Variants in IDE observed in about 807,000 individuals in gnomAD.
IDE encodes the protein insulin degrading enzyme.
A neutral mutation model predicts 133.2 loss-of-function variants in IDE; 58 were observed. That is an observed-to-expected ratio of 0.44 (90% CI 0.35 to 0.54). The LOEUF (loss-of-function observed/expected upper bound fraction) is 0.54. Among genes scored for constraint, IDE ranks in the 20% least tolerant of loss-of-function variants. The pLI is 0.00. For synonymous variants in IDE, 396 were observed against 421.3 expected, an observed-to-expected ratio of 0.94 and a Z score of 0.73; for missense variants, 981 against 1,234.0, an observed-to-expected ratio of 0.79 and a Z score of 3.07.
At chr10:92,491,108 C>A (rs75104428) in intron 11 of IDE, among the ~76,000 whole-genome samples, 20,761 of 151,580 alleles carry the variant, frequency 0.14, 1,849 homozygotes, top group African/African-American at 0.24. Flanking sequence ...TGGGGTGGCA[C>A]GCAGCTATAG....
At chr10:92,550,937 C>G (rs1327970933) in intron 1 of IDE, among the ~76,000 whole-genome samples, 1 of 152,056 alleles carries the variant, frequency 6.6e-6, no homozygotes, top group Admixed American at 6.6e-5. Flanking sequence ...AAAACTGGAA[C>G]CTGTGCACAC....
chr10:92,482,813 CT>C (rs951457439), intron 14 of IDE, among the ~76,000 whole-genome samples: 8 of 147,108 alleles, frequency 5.4e-5, no homozygotes, highest in African/African-American at 5.0e-5. Flanking sequence ...TTTTTCTTTT[CT>C]TTTTTTTTTG....
At chr10:92,476,237 G>A (rs867515250) in intron 15 of IDE, among the ~76,000 whole-genome samples, 1 of 150,818 alleles carries the variant, frequency 6.6e-6, no homozygotes, top group African/African-American at 2.4e-5. Context: ...GCAACGGCAC[G>A]ATTTCAGTTC....
Position 92,452,932 on chromosome 10 carries a change from C to G in IDE, c.*1512G>C, listed in dbSNP as rs986578911. The G allele has an allele frequency of 1.3e-5, 2 of 152,226 alleles. No homozygotes were observed. Among genetic ancestry groups the G allele is most frequent in the Non-Finnish European group, 2.9e-5 (2 of 68,050 alleles). The allele number at this position is 152,226 out of a possible 1,614,324, so 9.4% of individuals were successfully genotyped here. On this transcript the variant is annotated 3_prime_UTR_variant, in exon 25 of 25. Transcript: ENST00000265986. The stretch of plus-strand genomic sequence containing the variant: ...TGGTTACAGCACCACATTGATCTGA[C>G]AGTAGAAATGGAGCCCCGCTTTTGA...
chr10:92,524,516 T>A (rs11187054), intron 4 of IDE, among the ~76,000 whole-genome samples: 2,120 of 46,818 alleles, frequency 0.045, 96 homozygotes, highest in East Asian at 0.068. Context: ...TAATATATAA[T>A]ATATATTATA....
Position 92,542,571 on chromosome 10 carries a change from T to G in IDE, c.99-5021A>C, listed in dbSNP as rs1241468112. ...TCCCAAAGTGCTGGGATTACAGGCATGAGACACTACACCCAGCCCAGGTCA... is the reference window on the plus strand; with the variant it reads ...TCCCAAAGTGCTGGGATTACAGGCAGGAGACACTACACCCAGCCCAGGTCA... On this transcript the variant is annotated intron_variant, in intron 1 of 24. Coordinates refer to ENST00000265986, the MANE Select transcript of IDE (RefSeq NM_004969.4). Among the ~76,000 whole-genome samples the G allele has an allele frequency of 2.0e-5, 3 of 152,202 alleles. No individual in the cohort carries two copies. The South Asian group carries it at 6.2e-4, about 31-fold the overall frequency.
At chr10:92,481,651 T>C (rs1404932683) in intron 14 of IDE, among the ~76,000 whole-genome samples, 5 of 152,162 alleles carry the variant, frequency 3.3e-5, no homozygotes, top group African/African-American at 1.2e-4. Flanking sequence ...CATAATATAA[T>C]CTTATTTCTG....
intron 1 of IDE, among the ~76,000 whole-genome samples, chr10:92,544,584 G>A (rs1171161398): frequency 1.3e-5 from 2 of 152,188 alleles, no homozygotes; most frequent in Non-Finnish European, 2.9e-5. Context: ...TCATACACTG[G>A]TTTATTCTCC....
intron 1 of IDE, 67 bp downstream of exon 1, chr10:92,573,855 T>G (rs1308872985): frequency 1.8e-6 from 2 of 1,139,696 alleles, no homozygotes; most frequent in Admixed American, 3.9e-5. Context: ...ATCACCACTT[T>G]GCAACCCGAG....
chr10:92,573,631 G>T (rs1843900914), intron 1 of IDE, among the ~76,000 whole-genome samples: 1 of 152,126 alleles, frequency 6.6e-6, no homozygotes, highest in Non-Finnish European at 1.5e-5. Flanking sequence ...CCGCCCCTGC[G>T]CCCCCCGCAC....
intron 1 of IDE, among the ~76,000 whole-genome samples, chr10:92,571,590 C>T (rs1843789640): frequency 6.6e-6 from 1 of 152,148 alleles, no homozygotes; most frequent in Admixed American, 6.5e-5. Flanking sequence ...CCCAGTAGTT[C>T]AGATAATTCC....
chr10:92,453,442 G>A lies in IDE; in HGVS notation c.*1002C>T, dbSNP rs963769368. 3 of 152,116 alleles carry A rather than the reference G, an allele frequency of 2.0e-5. No homozygotes were observed. Among genetic ancestry groups the A allele is most frequent in the African/African-American group, 7.2e-5 (3 of 41,422 alleles). 9.4% of individuals were successfully genotyped at this position (152,116 alleles called of 1,614,324 possible). A position where few individuals can be genotyped will look rare whatever the true frequency, so the allele number is the denominator to read the frequency against. On this transcript the variant is annotated 3_prime_UTR_variant, in exon 25 of 25. Transcript: ENST00000265986. Reference sequence around the variant, plus strand: ...GAAGACCTGCTATATAAGAATGCAAGGCTTTACTTTTTATATTTCCAAAAA... The same window carrying A: ...GAAGACCTGCTATATAAGAATGCAAAGCTTTACTTTTTATATTTCCAAAAA...
intron 1 of IDE, among the ~76,000 whole-genome samples, chr10:92,551,566 CAAAAAA>C (rs1232265058): frequency 4.5e-5 from 3 of 66,628 alleles, no homozygotes; most frequent in African/African-American, 1.5e-4. Context: ...GACTCCATCT[CAAAAAA>C]AAAAAAAAAA....
At chr10:92,521,176 T>C (rs1322442600) in intron 4 of IDE, among the ~76,000 whole-genome samples, 2 of 152,108 alleles carry the variant, frequency 1.3e-5, no homozygotes, top group Non-Finnish European at 2.9e-5. Flanking sequence ...AGAATTAGCA[T>C]TAGAAAAACC....
At chr10:92,475,300 A>G (rs976364973) in intron 16 of IDE, among the ~76,000 whole-genome samples, 1 of 152,238 alleles carries the variant, frequency 6.6e-6, no homozygotes, top group African/African-American at 2.4e-5. Flanking sequence ...AGCCATCCCC[A>G]AAGTCTCCAT....
At chr10:92,550,650 CAAAAAAAA>C (rs71028826) in intron 1 of IDE, among the ~76,000 whole-genome samples, 4 of 57,420 alleles carry the variant, frequency 7.0e-5, no homozygotes, top group East Asian at 4.4e-4. Flanking sequence ...GACTCCGTCT[CAAAAAAAA>C]AAAAAAAAAA....
At chr10:92,556,113 C>CA (rs1842991047) in intron 1 of IDE, among the ~76,000 whole-genome samples, 1 of 129,880 alleles carries the variant, frequency 7.7e-6, no homozygotes, top group African/African-American at 3.0e-5. Flanking sequence ...GCAGAGCTTG[C>CA]AGTGAGCCGA....
chr10:92,507,194 C>G (rs943385273), intron 9 of IDE, among the ~76,000 whole-genome samples: 1 of 152,010 alleles, frequency 6.6e-6, no homozygotes, highest in Admixed American at 6.6e-5. Flanking sequence ...TTCATTACTT[C>G]TTTGAGAGTT....
Position 92,458,490 on chromosome 10 carries a change from G to GTTTTTTTTT in IDE, c.2824-2068_2824-2060dup, listed in dbSNP as rs71028821. ...AGGCCTGGTTATAAATACTCTCTCTGTTTTTTTTTTTTTTTTTTTTTTTTT... is the reference window on the plus strand; with the variant it reads ...AGGCCTGGTTATAAATACTCTCTCTGTTTTTTTTTTTTTTTTTTTTTTTTTTTTTTTTTT... On this transcript the variant is annotated intron_variant, in intron 22 of 24. Transcript: ENST00000265986. 2.9e-4 allele frequency among the ~76,000 whole-genome samples: 24 copies of GTTTTTTTTT among 83,874 alleles called. 3 individuals carry two copies. Among genetic ancestry groups the GTTTTTTTTT allele is most frequent in the East Asian group, 5.4e-4 (2 of 3,724 alleles). The allele number at this position is 83,874 out of a possible 152,430, so 55.0% of individuals were successfully genotyped here.
Sources: gnomAD v4.1 joint callset for allele counts (sites outside exome capture counted in the v4.1 genomes callset) on GRCh38, gnomAD v4.1.1 for gene constraint, MANE v1.5 for transcripts, NCBI Gene and HGNC (gene_info 2026-07-23, HGNC 2026-07-21) for gene names.